AGK: variants seen among roughly 807,000 people sequenced by gnomAD.
The protein encoded by AGK is acylglycerol kinase, mitochondrial.
Under a neutral mutation model 66.4 loss-of-function variants are expected in AGK, and 52 were observed. That is an observed-to-expected ratio of 0.78 (90% CI 0.63 to 0.99). The LOEUF (loss-of-function observed/expected upper bound fraction) is 0.99. AGK is among the 50% of genes least tolerant of loss of function. The pLI, the probability that AGK is intolerant of heterozygous loss-of-function variation, is 0.00. For missense variants in AGK, 451 were observed against 506.6 expected (o/e 0.89, Z 1.05); for synonymous variants, 182 against 181.1 (o/e 1.00, Z -0.04).
At chr7:141,561,084 C>G (rs190510181) in intron 2 of AGK, among the ~76,000 whole-genome samples, 2 of 152,316 alleles carry the variant, frequency 1.3e-5, no homozygotes, top group South Asian at 2.1e-4. Flanking sequence ...TGAGCCACCG[C>G]GCCCGGCCCA....
At chr7:141,572,583 A>G (rs1434211571) in intron 2 of AGK, among the ~76,000 whole-genome samples, 2 of 152,210 alleles carry the variant, frequency 1.3e-5, no homozygotes, top group Admixed American at 1.3e-4. Flanking sequence ...TACTGTGCTC[A>G]GCTTATAGTT....
chr7:141,632,952 T>G (rs1219158896), intron 9 of AGK, among the ~76,000 whole-genome samples: 1 of 152,174 alleles, frequency 6.6e-6, no homozygotes, highest in Admixed American at 6.5e-5. Flanking sequence ...GGAGTGAATG[T>G]GGTGTTGGGG....
intron 2 of AGK, among the ~76,000 whole-genome samples, chr7:141,591,236 G>C (rs1295682234): frequency 6.6e-6 from 1 of 151,844 alleles, no homozygotes; most frequent in African/African-American, 2.4e-5. Context: ...GGGATTACAG[G>C]CATGCACCAG....
At chr7:141,641,669 A>C in intron 12 of AGK, 142 bp from the exon 13 acceptor site, 1 of 748,024 alleles carries the variant, frequency 1.3e-6, no homozygotes, top group Admixed American at 2.6e-5. Flanking sequence ...CTCTATGTAT[A>C]AGAAGCATGA....
chr7:141,566,093 G>A (rs1795461788), intron 2 of AGK, among the ~76,000 whole-genome samples: 1 of 152,170 alleles, frequency 6.6e-6, no homozygotes, highest in Admixed American at 6.5e-5. Context: ...CCTTGCACAT[G>A]TTGTTCTCCG....
rs758009473 is a variant in AGK, at chr7:141,649,229, A to G, written c.976-34A>G. The G allele has an allele frequency of 3.3e-6, 5 of 1,517,544 alleles. No homozygotes were observed. The South Asian group carries it at 4.5e-5, about 14-fold the overall frequency. The allele number at this position is 1,517,544 out of a possible 1,614,324, so 94.0% of individuals were successfully genotyped here. A position where few individuals can be genotyped will look rare whatever the true frequency, so the allele number is the denominator to read the frequency against. On this transcript the variant is annotated intron_variant, in intron 13 of 15. Coordinates refer to ENST00000649286, the MANE Select transcript of AGK (RefSeq NM_018238.4). Reference sequence around the variant, plus strand: ...AACAGGCTGCATTAGCCAAATTTTAAGAGTAATGACGTTAGTGTTCTTAAC... The same window carrying G: ...AACAGGCTGCATTAGCCAAATTTTAGGAGTAATGACGTTAGTGTTCTTAAC...
chr7:141,563,992 G>A lies in AGK; in HGVS notation c.101+8425G>A, dbSNP rs192252113. 1.9e-3 allele frequency among the ~76,000 whole-genome samples: 291 copies of A among 152,138 alleles called. 1 individual carries two copies. The highest frequency in any genetic ancestry group is 3.3e-3 in the Non-Finnish European group (222 of 68,002). On this transcript the variant is annotated intron_variant, in intron 2 of 15. Coordinates refer to ENST00000649286, the MANE Select transcript of AGK (RefSeq NM_018238.4). ...TTGTTGTGTTTAGAGATGGGATCTC[G>A]CTCTGTCACCCAGGCTGGAGTGCAG...
rs1795182973 is a variant in AGK, at chr7:141,555,226, A to G, written c.-14-227A>G. Reference sequence around the variant, plus strand: ...AGGTTAGGTGGAAATACGTGAAGGAAGAAAGAAAGGTGGATGGATGTGTGG... The same window carrying G: ...AGGTTAGGTGGAAATACGTGAAGGAGGAAAGAAAGGTGGATGGATGTGTGG... On this transcript the variant is annotated intron_variant, in intron 1 of 15. Transcript: ENST00000649286. This position sits in a 1 kb window ranked among gnomAD's most constrained non-coding sequence, Gnocchi z 4.2. 6.6e-6 allele frequency among the ~76,000 whole-genome samples: 1 copy of G among 152,136 alleles called. No homozygotes were observed. Among genetic ancestry groups the G allele is most frequent in the Non-Finnish European group, 1.5e-5 (1 of 68,032 alleles).
intron 2 of AGK, among the ~76,000 whole-genome samples, chr7:141,575,187 A>G (rs1041028778): frequency 6.6e-6 from 1 of 152,196 alleles, no homozygotes; most frequent in Non-Finnish European, 1.5e-5. Flanking sequence ...CGTTTTTGTC[A>G]TTTGAGAATG....
In AGK at chr7:141,598,413, C is replaced by T. The variant is rs778638710; in HGVS notation, c.221+1772C>T. 6.6e-6 allele frequency among the ~76,000 whole-genome samples: 1 copy of T among 152,108 alleles called. No individual in the cohort carries two copies. Among genetic ancestry groups the T allele is most frequent in the Non-Finnish European group, 1.5e-5 (1 of 68,038 alleles). ...GGCTGAAGATAACAGAGAACTCAGCCTGGGTCTGGGAGTTTGAGGAATCTG... is the reference window on the plus strand; with the variant it reads ...GGCTGAAGATAACAGAGAACTCAGCTTGGGTCTGGGAGTTTGAGGAATCTG... On this transcript the variant is annotated intron_variant, in intron 4 of 15. Transcript: ENST00000649286. This position sits in a 1 kb window ranked among gnomAD's most constrained non-coding sequence, Gnocchi z 4.2.
chr7:141,593,220 C>T (rs1438150864), intron 3 of AGK, 35 bp downstream of exon 3: 1 of 1,594,252 alleles, frequency 6.3e-7, no homozygotes. Flanking sequence ...TTAAGCCCCT[C>T]CTTATCTTCA....
Position 141,637,965 on chromosome 7 carries a change from GT to G in AGK, c.726+949del, listed in dbSNP as rs80232439. 4.7e-3 allele frequency among the ~76,000 whole-genome samples: 716 copies of G among 152,316 alleles called. 23 individuals carry two copies. In the East Asian group the frequency reaches 0.1, roughly 22 times the overall value. On this transcript the variant is annotated intron_variant, in intron 11 of 15. Transcript: ENST00000649286. ...TATATACCAAGGGCAAACTGGATTA[GT>G]AAAATCGGTTATTCCTCGAGTTTCA...
At chr7:141,586,035 G>T (rs905599966) in intron 2 of AGK, among the ~76,000 whole-genome samples, 1 of 152,064 alleles carries the variant, frequency 6.6e-6, no homozygotes, top group Admixed American at 6.6e-5. Flanking sequence ...TGGAAATGAG[G>T]TCTTCAGTTC....
At chr7:141,646,821 A>G (rs1797422710) in intron 13 of AGK, among the ~76,000 whole-genome samples, 1 of 152,206 alleles carries the variant, frequency 6.6e-6, no homozygotes, top group African/African-American at 2.4e-5. Flanking sequence ...GCTGAGTTGA[A>G]TAGCTGTGAG....
chr7:141,594,118 T>G (rs1587105139), intron 3 of AGK: 1 of 152,262 alleles, frequency 6.6e-6, no homozygotes, highest in Non-Finnish European at 1.5e-5. Context: ...ATTACTTCTT[T>G]GTTTAAATGT....
chr7:141,606,633 C>T (rs979356788), intron 5 of AGK, among the ~76,000 whole-genome samples: 4 of 152,106 alleles, frequency 2.6e-5, no homozygotes, highest in Non-Finnish European at 5.9e-5. Context: ...ATTGATGAGC[C>T]ATTATTCATG....
rs188017164 is a variant in AGK, at chr7:141,591,971, G to T, written c.102-1175G>T. The stretch of plus-strand genomic sequence containing the variant: ...TTTGGAAGCCAAAATTTTGCCTCAT[G>T]ACAAAATTCTCCATTTATGATTTAT... On this transcript the variant is annotated intron_variant, in intron 2 of 15. Transcript: ENST00000649286. Among the ~76,000 whole-genome samples, 187 of 152,242 alleles carry T rather than the reference G, an allele frequency of 1.2e-3. 2 individuals carry two copies. Among genetic ancestry groups the T allele is most frequent in the African/African-American group, 4.3e-3 (178 of 41,532 alleles).
At chr7:141,639,109 A>G (rs1797232828) in intron 11 of AGK, among the ~76,000 whole-genome samples, 1 of 152,220 alleles carries the variant, frequency 6.6e-6, no homozygotes, top group South Asian at 2.1e-4. Context: ...AAAAAGTAAG[A>G]GTTTCGAGAA....
rs115367381 is a variant in AGK at position 141,583,810 on chromosome 7, C to T, written c.102-9336C>T. On this transcript the variant is annotated intron_variant, in intron 2 of 15. Transcript: ENST00000649286. Reference sequence around the variant, plus strand: ...AACTGAAATTAAGAGAAGGTAGAGACGGAAAGATGGCACCAAGATTGAAAG... The same window carrying T: ...AACTGAAATTAAGAGAAGGTAGAGATGGAAAGATGGCACCAAGATTGAAAG... 5.4e-3 allele frequency among the ~76,000 whole-genome samples: 822 copies of T among 151,662 alleles called. 20 individuals are homozygous for T. Among genetic ancestry groups the T allele is most frequent in the African/African-American group, 0.019 (770 of 41,142 alleles).
Sources: gnomAD v4.1 joint callset for allele counts (sites outside exome capture counted in the v4.1 genomes callset) on GRCh38, gnomAD v4.1.1 for gene constraint, Gnocchi (gnomAD v3.1) non-coding constraint, MANE v1.5 for transcripts, NCBI Gene and HGNC (gene_info 2026-07-23, HGNC 2026-07-21) for gene names.